The following ERBB4 variants were observed in gnomAD, a reference collection of about 807,000 sequenced individuals.
The protein encoded by ERBB4 is receptor tyrosine-protein kinase erbB-4.
ERBB4 carries 42 observed loss-of-function variants against 158.0 expected under a neutral mutation model. The observed-to-expected ratio is 0.27, with a 90% confidence interval of 0.21 to 0.34. The LOEUF is 0.34. Among genes scored for constraint, ERBB4 ranks in the 10% least tolerant of loss-of-function variants. The probability of loss-of-function intolerance (pLI) is 1.00; values close to 1 mark genes in which losing one functional copy is unlikely to be tolerated. For missense variants in ERBB4, 1,333 were observed against 1,624.1 expected (o/e 0.82, Z 3.08); for synonymous variants, 583 against 558.7 (o/e 1.04, Z -0.61).
intron 4 of ERBB4, among the ~76,000 whole-genome samples, chr2:211,778,087 C>A (rs2075931997): frequency 6.6e-6 from 1 of 152,140 alleles, no homozygotes; most frequent in South Asian, 2.1e-4. Context: ...TCTACTTCTC[C>A]CACCATTGGG....
At chr2:211,401,339 T>C (rs1186268978) in intron 25 of ERBB4, among the ~76,000 whole-genome samples, 3 of 152,198 alleles carry the variant, frequency 2.0e-5, no homozygotes, top group Admixed American at 6.5e-5. Flanking sequence ...ACGCAAACAT[T>C]AGAAATTCAC....
In ERBB4 at chr2:211,452,456, G is replaced by A. The variant is rs574979532; in HGVS notation, c.2488-21356C>T. On this transcript the variant is annotated intron_variant, in intron 20 of 27. Coordinates refer to ENST00000342788, the MANE Select transcript of ERBB4 (RefSeq NM_005235.3). ...CTCTCAAAGTGCTGGGATTACAGGC[G>A]TGAGCCACCGCCCCCAGCCAATAAA... Among the ~76,000 whole-genome samples the A allele has an allele frequency of 8.1e-4, 123 of 152,214 alleles. 1 individual carries two copies. Among genetic ancestry groups the A allele is most frequent in the Non-Finnish European group, 1.4e-3 (98 of 68,002 alleles).
At position 212,266,135 on chromosome 2, in the gene ERBB4, C is replaced by G. The variant is rs2085127451; in HGVS notation, c.83-141232G>C. Among the ~76,000 whole-genome samples the G allele has an allele frequency of 2.0e-5, 3 of 151,944 alleles. No homozygotes were observed. In the South Asian group the frequency reaches 6.2e-4, roughly 32 times the overall value. On this transcript the variant is annotated intron_variant, in intron 1 of 27. Coordinates refer to ENST00000342788, the MANE Select transcript of ERBB4 (RefSeq NM_005235.3). ...CTCTCCTATTCTGTGTCTCCTTCCC[C>G]CTTCCTTTGCCCTTAACTTTATGCC...
At position 212,327,102 on chromosome 2, in the gene ERBB4, T is replaced by A. The variant is rs1325106682; in HGVS notation, c.83-202199A>T. 2.0e-5 allele frequency among the ~76,000 whole-genome samples: 3 copies of A among 150,686 alleles called. 1 individual carries two copies. The highest frequency in any genetic ancestry group is 6.6e-5 in the Admixed American group (1 of 15,096). ...ACTGATGATACCACCACCTGCTTCA[T>A]GAAGTTTTTGAGACGATTAAATGAG... On this transcript the variant is annotated intron_variant, in intron 1 of 27. Transcript: ENST00000342788.
At chr2:212,013,266 G>A (rs1016162451) in intron 2 of ERBB4, among the ~76,000 whole-genome samples, 5 of 151,898 alleles carry the variant, frequency 3.3e-5, no homozygotes, top group South Asian at 2.1e-4. Flanking sequence ...CATGTTGGCC[G>A]GGTGTAATTA....
intron 3 of ERBB4, among the ~76,000 whole-genome samples, chr2:211,933,794 C>A (rs908870534): frequency 2.6e-5 from 4 of 151,948 alleles, no homozygotes; most frequent in African/African-American, 9.7e-5. Context: ...CTCTTAATAT[C>A]GCATCTACGA....
At chr2:211,645,516 C>T (rs2070753689) in intron 16 of ERBB4, among the ~76,000 whole-genome samples, 1 of 151,504 alleles carries the variant, frequency 6.6e-6, no homozygotes, top group African/African-American at 2.4e-5. Context: ...TTACTTGAAA[C>T]CAATTAATAA....
At chr2:211,580,695 C>A (rs1017320424) in intron 19 of ERBB4, among the ~76,000 whole-genome samples, 1 of 147,250 alleles carries the variant, frequency 6.8e-6, no homozygotes, top group African/African-American at 2.5e-5. Flanking sequence ...AAGATACCTG[C>A]ACATGCATGT....
intron 19 of ERBB4, among the ~76,000 whole-genome samples, chr2:211,599,537 T>TGTGTGTGTGTGTGTGTGTGTGTG (rs2068737797): frequency 3.7e-4 from 3 of 8,032 alleles, no homozygotes; most frequent in Non-Finnish European, 1.3e-3. Flanking sequence ...GTGTGTGTGT[T>TGTGTGTGTGTGTGTGTGTGTGTG]TCCTGTCAAG....
chr2:211,588,174 C>T (rs1046678271), intron 19 of ERBB4, among the ~76,000 whole-genome samples: 3 of 152,006 alleles, frequency 2.0e-5, no homozygotes, highest in African/African-American at 7.3e-5. Flanking sequence ...CACATTTGTT[C>T]ACATTTTTAT....
intron 12 of ERBB4, among the ~76,000 whole-genome samples, chr2:211,682,271 G>A (rs567385835): frequency 1.3e-5 from 2 of 152,122 alleles, no homozygotes; most frequent in Non-Finnish European, 2.9e-5. Flanking sequence ...CATCAATGAT[G>A]TAAGTTCCAT....
intron 3 of ERBB4, among the ~76,000 whole-genome samples, chr2:211,827,639 T>G (rs564082598): frequency 2.6e-4 from 40 of 152,200 alleles, no homozygotes; most frequent in African/African-American, 9.4e-4. Flanking sequence ...AAATTAAATT[T>G]TGCTATCTGC....
chr2:211,490,818 A>G (rs981055952), intron 20 of ERBB4, among the ~76,000 whole-genome samples: 3 of 152,130 alleles, frequency 2.0e-5, no homozygotes, highest in Non-Finnish European at 4.4e-5. Context: ...TGGGGAAGAA[A>G]GAGACATCTT....
chr2:212,346,423 T>C (rs2089003380), intron 1 of ERBB4, among the ~76,000 whole-genome samples: 3 of 152,100 alleles, frequency 2.0e-5, no homozygotes, highest in Non-Finnish European at 2.9e-5. Flanking sequence ...TTAATCTAGT[T>C]TAAGGTGACT....
chr2:212,354,153 CT>C (rs1422552693), intron 1 of ERBB4, among the ~76,000 whole-genome samples: 1 of 151,998 alleles, frequency 6.6e-6, no homozygotes, highest in African/African-American at 2.4e-5. Context: ...TGTAATTAGT[CT>C]TTTTTCACAT....
intron 1 of ERBB4, among the ~76,000 whole-genome samples, chr2:212,345,928 G>T (rs1344005194): frequency 1.3e-5 from 2 of 152,044 alleles, no homozygotes; most frequent in Non-Finnish European, 2.9e-5. Flanking sequence ...CTCCGAAAAA[G>T]ATAGAGAGAT....
chr2:212,525,390 A>G (rs1275334646), intron 1 of ERBB4, among the ~76,000 whole-genome samples: 5 of 152,010 alleles, frequency 3.3e-5, no homozygotes, highest in Non-Finnish European at 7.4e-5. Flanking sequence ...ACCTTGAAAT[A>G]ACCACTGGAA....
intron 1 of ERBB4, among the ~76,000 whole-genome samples, chr2:212,299,512 T>A (rs73066392): frequency 0.017 from 2,633 of 151,766 alleles, 72 homozygotes; most frequent in African/African-American, 0.059. Flanking sequence ...AATATTTGAG[T>A]GTCGACCATG....
intron 1 of ERBB4, among the ~76,000 whole-genome samples, chr2:212,228,226 T>C (rs1220008629): frequency 3.3e-5 from 5 of 152,152 alleles, no homozygotes; most frequent in Non-Finnish European, 4.4e-5. Flanking sequence ...AAAAGAAGTA[T>C]AGATAATCAT....
Sources: allele counts gnomAD v4.1 joint callset (sites outside exome capture counted in the v4.1 genomes callset), GRCh38; gene constraint gnomAD v4.1.1; transcripts MANE v1.5; gene names NCBI Gene and HGNC (gene_info 2026-07-23, HGNC 2026-07-21).